ALAS1: variants seen among roughly 807,000 people sequenced by gnomAD.
ALAS1 encodes 5-aminolevulinate synthase, non-specific, mitochondrial.
ALAS1 carries 29 observed loss-of-function variants against 59.6 expected under a neutral mutation model. The ratio of observed to expected loss-of-function variants is 0.49; its 90% confidence interval spans 0.36 to 0.66. ALAS1 has a LOEUF of 0.66. ALAS1 is among the 30% of genes least tolerant of loss of function. ALAS1 has a pLI of 0.00. For missense variants in ALAS1, 690 were observed against 807.5 expected (o/e 0.85, Z 1.76); for synonymous variants, 299 against 296.6 (o/e 1.01, Z -0.08).
chr3:52,202,930 G>A (rs922552776), intron 4 of ALAS1, among the ~76,000 whole-genome samples, 196 bp downstream of exon 4: 3 of 152,176 alleles, frequency 2.0e-5, no homozygotes, highest in Non-Finnish European at 2.9e-5. Flanking sequence ...TTTCTGGTGC[G>A]TGTGTGGGAT....
At chr3:52,209,199 C>T (rs1472368621) in intron 9 of ALAS1, among the ~76,000 whole-genome samples, 2 of 152,190 alleles carry the variant, frequency 1.3e-5, no homozygotes, top group Admixed American at 1.3e-4. Context: ...ATTCAAGAAG[C>T]TCTTTTCTTT....
intron 7 of ALAS1, 31 bp from the exon 8 acceptor site, chr3:52,206,541 A>G: frequency 6.3e-7 from 1 of 1,599,298 alleles, no homozygotes; most frequent in Non-Finnish European, 8.5e-7. Flanking sequence ...TTCGATGCAC[A>G]TGGCAATAAA....
At chr3:52,202,433 G>A in intron 3 of ALAS1, 74 bp from the exon 4 acceptor site, 1 of 1,172,106 alleles carries the variant, frequency 8.5e-7, no homozygotes, top group Non-Finnish European at 1.3e-6. Flanking sequence ...GGCAATAAAA[G>A]AAAGAAATAA....
intron 8 of ALAS1, among the ~76,000 whole-genome samples, chr3:52,207,040 G>A (rs1699307413): frequency 7.9e-6 from 1 of 127,218 alleles, no homozygotes; most frequent in South Asian, 2.4e-4. Flanking sequence ...GTCTCCCTCT[G>A]TCACCCAGGC....
Position 52,198,732 on chromosome 3 carries a change from T to A in ALAS1, c.-149T>A. On this transcript the variant is annotated 5_prime_UTR_variant, in exon 2 of 12. Transcript: ENST00000484952. ...ACGGAGGAATCCTTGCTTCAGGGAC[T>A]CGGGACCCTGCTGGACCCCTTCCTC... 1 of 1,412,250 alleles carries A rather than the reference T, an allele frequency of 7.1e-7. No individual in the cohort carries two copies. The allele number at this position is 1,412,250 out of a possible 1,614,324, so 87.5% of individuals were successfully genotyped here.
chr3:52,198,646 C>T lies in ALAS1; in HGVS notation c.-209-26C>T, dbSNP rs564152925. On this transcript the variant is annotated intron_variant, in intron 1 of 11. Coordinates refer to ENST00000484952, the MANE Select transcript of ALAS1 (RefSeq NM_000688.6). ...AAGGCGCTGGCCCTCATACCCCTACCCTCATTTGTGCCCCTCCTTTCTCAG... is the reference window on the plus strand; with the variant it reads ...AAGGCGCTGGCCCTCATACCCCTACTCTCATTTGTGCCCCTCCTTTCTCAG... 7 of 692,402 alleles carry T rather than the reference C, an allele frequency of 1.0e-5. No homozygotes were observed. The East Asian group carries it at 1.6e-4, about 16-fold the overall frequency. The allele number at this position is 692,402 out of a possible 1,614,324, so 42.9% of individuals were successfully genotyped here.
In ALAS1 at chr3:52,206,987, A is replaced by G. The variant is rs1053763041; in HGVS notation, c.1165+236A>G. Among the ~76,000 whole-genome samples, 154 of 146,282 alleles carry G rather than the reference A, an allele frequency of 1.1e-3. 1 individual carries two copies. Among genetic ancestry groups the G allele is most frequent in the African/African-American group, 3.7e-3 (147 of 39,434 alleles). On this transcript the variant is annotated intron_variant, in intron 8 of 11. Transcript: ENST00000484952. Reference sequence around the variant, plus strand: ...GTAGCTGGGACTACAGACACCTGCCACCACGCCTGGCTAATTTTTTTTTTT... The same window carrying G: ...GTAGCTGGGACTACAGACACCTGCCGCCACGCCTGGCTAATTTTTTTTTTT...
intron 9 of ALAS1, among the ~76,000 whole-genome samples, 181 bp from the exon 10 acceptor site, chr3:52,211,102 A>C (rs1158135442): frequency 6.6e-6 from 1 of 152,224 alleles, no homozygotes; most frequent in Non-Finnish European, 1.5e-5. Context: ...CCACCATCAT[A>C]TATGTGGTCG....
chr3:52,201,973 G>T (rs1317209118), intron 3 of ALAS1, among the ~76,000 whole-genome samples: 2 of 152,200 alleles, frequency 1.3e-5, no homozygotes, highest in Admixed American at 6.5e-5. Flanking sequence ...AGAGGCAACT[G>T]GAATGTGCCA....
Position 52,198,796 on chromosome 3 carries a change from C to G in ALAS1, c.-85C>G. 1.3e-6 allele frequency: 2 copies of G among 1,535,644 alleles called. No homozygotes were observed. The highest frequency in any genetic ancestry group is 1.7e-6 in the Non-Finnish European group (2 of 1,146,870). On this transcript the variant is annotated 5_prime_UTR_variant, in exon 2 of 12. The change creates a new upstream start codon in the 5' untranslated region. Transcript: ENST00000484952. ...GTGGGGACCAGGAGAAAGTCAGGAT[C>G]CCTAAGAGTCTTCCCTGCCTGGATG...
intron 3 of ALAS1, among the ~76,000 whole-genome samples, chr3:52,199,814 TTTTA>T (rs1401754727): frequency 2.0e-5 from 3 of 152,214 alleles, no homozygotes; most frequent in Admixed American, 6.5e-5. Context: ...GCCTTCGGCT[TTTTA>T]TTTATTTAAT....
Position 52,213,523 on chromosome 3 carries a change from G to A in ALAS1, c.1763-497G>A, listed in dbSNP as rs528012198. Among the ~76,000 whole-genome samples the A allele has an allele frequency of 6.6e-5, 10 of 152,244 alleles. No homozygotes were observed. In the East Asian group the frequency reaches 1.9e-3, roughly 29 times the overall value. On this transcript the variant is annotated intron_variant, in intron 11 of 11. Transcript: ENST00000484952. ...TTACCATAAAATTCACCCTTTTAAA[G>A]TATCCAAGTCTATGATTTTTAAGTA...
At chr3:52,206,501 CTGTTG>C in intron 7 of ALAS1, 66 bp from the exon 8 acceptor site, 1 of 1,514,264 alleles carries the variant, frequency 6.6e-7, no homozygotes, top group East Asian at 2.3e-5. Flanking sequence ...AAGGAAAAGT[CTGTTG>C]TCTTTCTCTA....
At chr3:52,198,282 G>T in intron 1 of ALAS1, 27 bp downstream of exon 1, 2 of 403,246 alleles carry the variant, frequency 5.0e-6, no homozygotes, top group Non-Finnish European at 4.4e-6. Flanking sequence ...TAGGTGCGGC[G>T]CCGGCCGAGG....
intron 3 of ALAS1, among the ~76,000 whole-genome samples, chr3:52,202,254 G>A (rs563930914): frequency 1.3e-5 from 2 of 152,270 alleles, no homozygotes; most frequent in South Asian, 4.1e-4. Flanking sequence ...GGAGGCTGAG[G>A]CATGAGAATC....
rs1347181306 is a variant in ALAS1, at chr3:52,211,389, C to G, written c.1437C>G (p.Pro479=). The change falls in exon 10 of 12, where the codon CCC becomes CCG. Residue 479 remains proline (P), a synonymous_variant. Transcript: ENST00000484952. Reference sequence around the variant, plus strand: ...TCATCTTCACCACCTCTCTGCCACCCATGCTGCTGGCTGGAGCCCTGGAGT... The same window carrying G: ...TCATCTTCACCACCTCTCTGCCACCGATGCTGCTGGCTGGAGCCCTGGAGT... ...AGFIFTTSLP[P]MLLAGALESV... 2.5e-6 allele frequency: 4 copies of G among 1,614,214 alleles called. No homozygotes were observed. The East Asian group carries it at 8.9e-5, about 36-fold the overall frequency.
chr3:52,201,724 C>G (rs915756777), intron 3 of ALAS1, among the ~76,000 whole-genome samples: 1 of 152,126 alleles, frequency 6.6e-6, no homozygotes, highest in Non-Finnish European at 1.5e-5. Flanking sequence ...ACCATGCACT[C>G]TAGCCTGGTT....
Position 52,198,810 on chromosome 3 carries a change from C to T in ALAS1, c.-71C>T. 6.5e-7 allele frequency: 1 copy of T among 1,535,650 alleles called. No individual in the cohort carries two copies. The highest frequency in any genetic ancestry group is 2.4e-5 in the East Asian group (1 of 40,910). On this transcript the variant is annotated 5_prime_UTR_variant, in exon 2 of 12. Transcript: ENST00000484952. ...AAAGTCAGGATCCCTAAGAGTCTTC[C>T]CTGCCTGGATGGATGAGTGGCTTCT...
rs769557806 is a variant in ALAS1, at chr3:52,205,936, C to T, written c.898C>T (p.Leu300Phe). The change falls in exon 7 of 12, where the codon CTC becomes TTC. Residue 300 changes from leucine to phenylalanine, a missense_variant. Coordinates refer to ENST00000484952, the MANE Select transcript of ALAS1 (RefSeq NM_000688.6). ...GGACTTAGAGCGGGAGCTGGCAGAC[C>T]TCCATGGGAAAGATGCCGCACTCTT... is the stretch of plus-strand genomic sequence containing the variant. ...HVDLERELAD[L>F]HGKDAALLFS... 6.2e-7 allele frequency: 1 copy of T among 1,614,156 alleles called. No individual in the cohort carries two copies. The highest frequency in any genetic ancestry group is 1.1e-5 in the South Asian group (1 of 91,076).
Sources: allele counts gnomAD v4.1 joint callset (sites outside exome capture counted in the v4.1 genomes callset), GRCh38; gene constraint gnomAD v4.1.1; transcripts MANE v1.5; gene names NCBI Gene and HGNC (gene_info 2026-07-23, HGNC 2026-07-21).